PNPLA8: variants seen among roughly 807,000 people sequenced by gnomAD.
The protein encoded by PNPLA8 is patatin like domain 8, phospholipase A2, also known as calcium-independent phospholipase A2-gamma.
In PNPLA8, 39 loss-of-function variants were observed where a neutral mutation model predicts 76.9. The observed-to-expected ratio is 0.51, with a 90% confidence interval of 0.39 to 0.66. The LOEUF is 0.66. Ranked by LOEUF, PNPLA8 falls within the 30% of genes least tolerant of loss-of-function variation. The pLI, the probability that PNPLA8 is intolerant of heterozygous loss-of-function variation, is 0.00. For missense variants in PNPLA8, 887 were observed against 918.0 expected (o/e 0.97, Z 0.44); for synonymous variants, 301 against 307.9 (o/e 0.98, Z 0.24).
At chr7:108,501,889 T>C (rs910621706) in intron 5 of PNPLA8, among the ~76,000 whole-genome samples, 3 of 151,932 alleles carry the variant, frequency 2.0e-5, no homozygotes, top group South Asian at 2.1e-4. Flanking sequence ...ATGAGAATAA[T>C]GGTTGATAAG....
chr7:108,479,973 T>C (rs1408521218), intron 9 of PNPLA8, among the ~76,000 whole-genome samples: 2 of 152,206 alleles, frequency 1.3e-5, no homozygotes, highest in African/African-American at 4.8e-5. Flanking sequence ...AAAAATGTAG[T>C]AGAGTAAAAG....
At chr7:108,517,130 T>C (rs781663021) in intron 2 of PNPLA8, among the ~76,000 whole-genome samples, 40 of 152,292 alleles carry the variant, frequency 2.6e-4, no homozygotes, top group Non-Finnish European at 5.3e-4. Flanking sequence ...AGGAGATATA[T>C]AGATAACAAA....
intron 7 of PNPLA8, 96 bp downstream of exon 7, chr7:108,496,488 T>C (rs1861556227): frequency 1.5e-6 from 1 of 688,602 alleles, no homozygotes; most frequent in Non-Finnish European, 2.3e-6. Context: ...AATTATAATA[T>C]GCAAGAATAT....
chr7:108,514,189 A>C lies in PNPLA8; in HGVS notation c.1161T>G (p.Thr387=). The change falls in exon 4 of 11, where the codon ACT becomes ACG. Residue 387 remains threonine, a synonymous_variant. Transcript: ENST00000257694. Reference sequence around the variant, plus strand: ...CTTCAGGAAATTCTAGAAGATGAAAAGTCAGTTCTTCAACCCTAGTAATGC... The same window carrying C: ...CTTCAGGAAATTCTAGAAGATGAAACGTCAGTTCTTCAACCCTAGTAATGC... ...KLCITRVEEL[T]FHLLEFPEGK... is the part of the protein sequence containing the mutation. 1 of 1,609,032 alleles carries C rather than the reference A, an allele frequency of 6.2e-7. No individual in the cohort carries two copies. The highest frequency in any genetic ancestry group is 1.7e-5 in the Admixed American group (1 of 59,794).
At position 108,515,120 on chromosome 7, in the gene PNPLA8, T is replaced by A. The variant is rs201791545; in HGVS notation, c.372A>T (p.Ser124=). 6.8e-6 allele frequency: 11 copies of A among 1,606,614 alleles called. No homozygotes were observed. The highest frequency in any genetic ancestry group is 1.1e-5 in the South Asian group (1 of 90,586). ...AACTTGGCTTAAATTGAGCTAAACG[T>A]GAAATCATTTCATTTTGATTGCCAA... ...AVFGNQNEMI[S]RLAQFKPSSQ... is the part of the protein sequence containing the mutation. Residue 124 remains serine (S), a synonymous_variant, in exon 3 of 11, where the codon TCA becomes TCT. Transcript: ENST00000257694.
intron 5 of PNPLA8, among the ~76,000 whole-genome samples, chr7:108,499,655 T>C (rs1296441291): frequency 1.3e-5 from 2 of 152,196 alleles, no homozygotes; most frequent in Non-Finnish European, 2.9e-5. Context: ...GCTCTAGTTG[T>C]GACAACTAAA....
intron 4 of PNPLA8, among the ~76,000 whole-genome samples, chr7:108,507,327 G>GT (rs1862518219): frequency 9.5e-6 from 1 of 105,666 alleles, no homozygotes; most frequent in African/African-American, 3.8e-5. Flanking sequence ...TGGTGACAGA[G>GT]TAAGACTCTG....
At chr7:108,479,644 C>T (rs543249848) in intron 9 of PNPLA8, 25 of 453,466 alleles carry the variant, frequency 5.5e-5, no homozygotes, top group Admixed American at 2.5e-4. Context: ...TTGAAATGAA[C>T]GAAATTACTT....
At chr7:108,524,710 C>T (rs930948687) in intron 1 of PNPLA8, among the ~76,000 whole-genome samples, 3 of 152,110 alleles carry the variant, frequency 2.0e-5, no homozygotes, top group East Asian at 1.9e-4. Context: ...ATCCCAGCTA[C>T]TCGGGAGGCT....
intron 4 of PNPLA8, among the ~76,000 whole-genome samples, chr7:108,507,858 G>A (rs908873697): frequency 6.6e-6 from 1 of 150,398 alleles, no homozygotes; most frequent in Non-Finnish European, 1.5e-5. Context: ...TGGGATGCAA[G>A]GCTGGTTCAA....
At chr7:108,478,331 CTGTA>C (rs1860144197) in intron 10 of PNPLA8, among the ~76,000 whole-genome samples, 1 of 152,052 alleles carries the variant, frequency 6.6e-6, no homozygotes, top group African/African-American at 2.4e-5. Context: ...GTTGGACACA[CTGTA>C]GAGAAGGTAC....
intron 9 of PNPLA8, among the ~76,000 whole-genome samples, chr7:108,481,782 A>G (rs985997990): frequency 1.3e-5 from 2 of 152,186 alleles, no homozygotes; most frequent in South Asian, 2.1e-4. Context: ...TTTTTCTTCT[A>G]AAAGTTTCAT....
chr7:108,487,277 C>T lies in PNPLA8; in HGVS notation c.1878+482G>A, dbSNP rs139271014. ...TTGTAAAATGGAAATAACTCTACCT[C>T]GTAAGTAGCAAGGATTAAATGAGAT... On this transcript the variant is annotated intron_variant, in intron 9 of 10. Coordinates refer to ENST00000257694, the MANE Select transcript of PNPLA8 (RefSeq NM_001256007.3). Among the ~76,000 whole-genome samples the T allele has an allele frequency of 2.0e-3, 302 of 152,208 alleles. 1 individual carries two copies. Among genetic ancestry groups the T allele is most frequent in the African/African-American group, 4.9e-3 (203 of 41,536 alleles).
intron 2 of PNPLA8, among the ~76,000 whole-genome samples, chr7:108,517,786 T>C (rs953358231): frequency 2.6e-5 from 4 of 152,168 alleles, no homozygotes; most frequent in African/African-American, 7.2e-5. Context: ...GTGTGTTTTA[T>C]AGAGACAGGG....
chr7:108,480,083 T>C (rs1860288704), intron 9 of PNPLA8, among the ~76,000 whole-genome samples: 1 of 152,014 alleles, frequency 6.6e-6, no homozygotes, highest in Non-Finnish European at 1.5e-5. Context: ...TCTAGAAAAA[T>C]ACACTGAGCA....
At chr7:108,474,692 T>C (rs1859859864) in intron 10 of PNPLA8, among the ~76,000 whole-genome samples, 1 of 152,214 alleles carries the variant, frequency 6.6e-6, no homozygotes, top group African/African-American at 2.4e-5. Context: ...AAGACTGTCC[T>C]TTCCCACTGA....
chr7:108,504,907 T>C (rs1028590099), intron 4 of PNPLA8, among the ~76,000 whole-genome samples: 5 of 151,848 alleles, frequency 3.3e-5, no homozygotes, highest in African/African-American at 9.7e-5. Flanking sequence ...GGAAACCCCA[T>C]CTCTACTAAA....
intron 7 of PNPLA8, among the ~76,000 whole-genome samples, chr7:108,495,365 T>C (rs1234498996): frequency 6.6e-6 from 1 of 152,186 alleles, no homozygotes; most frequent in East Asian, 1.9e-4. Flanking sequence ...GAACCATTAA[T>C]ATATGTTTCA....
Position 108,470,927 on chromosome 7 carries a change from A to G in PNPLA8, c.*1474T>C, listed in dbSNP as rs1859590465. 6.6e-6 allele frequency: 1 copy of G among 152,204 alleles called. No individual in the cohort carries two copies. The highest frequency in any genetic ancestry group is 1.5e-5 in the Non-Finnish European group (1 of 68,042). The allele number at this position is 152,204 out of a possible 1,614,324, so 9.4% of individuals were successfully genotyped here. The stretch of plus-strand genomic sequence containing the variant: ...CCAGACTCTCGACTCCACTCTTTGA[A>G]CCACATCTCACAGCCTCTGTGAATT... On this transcript the variant is annotated 3_prime_UTR_variant, in exon 11 of 11. Coordinates refer to ENST00000257694, the MANE Select transcript of PNPLA8 (RefSeq NM_001256007.3).
Sources: gnomAD v4.1 joint callset for allele counts (sites outside exome capture counted in the v4.1 genomes callset) on GRCh38, gnomAD v4.1.1 for gene constraint, MANE v1.5 for transcripts, NCBI Gene and HGNC (gene_info 2026-07-23, HGNC 2026-07-21) for gene names.